The following PTPRT variants were observed in gnomAD, a reference collection of about 807,000 sequenced individuals.
PTPRT encodes the protein protein tyrosine phosphatase receptor type T.
Under a neutral mutation model 176.8 loss-of-function variants are expected in PTPRT, and 56 were observed. The observed-to-expected ratio is 0.32, with a 90% CI of 0.26 to 0.40. The LOEUF (loss-of-function observed/expected upper bound fraction) is 0.40, where lower values mean the gene tolerates loss of function less well. Among genes scored for constraint, PTPRT ranks in the 10% least tolerant of loss-of-function variants. PTPRT has a pLI of 1.00. For synonymous variants in PTPRT, 783 were observed against 739.0 expected (o/e 1.06, Z -0.96); for missense variants, 1,540 against 1,908.2 (o/e 0.81, Z 3.60).
At chr20:42,331,571 G>C (rs151246843) in intron 11 of PTPRT, among the ~76,000 whole-genome samples, 71 of 152,256 alleles carry the variant, frequency 4.7e-4, no homozygotes, top group African/African-American at 1.6e-3. Flanking sequence ...GCAAACAAAT[G>C]CAAGAGAAAA....
intron 2 of PTPRT, among the ~76,000 whole-genome samples, chr20:42,807,573 C>G (rs964104014): frequency 1.3e-5 from 2 of 152,054 alleles, no homozygotes; most frequent in African/African-American, 4.8e-5. Flanking sequence ...TTTTTACCAC[C>G]TACACCAAGG....
intron 9 of PTPRT, among the ~76,000 whole-genome samples, chr20:42,353,637 T>C (rs1315753243): frequency 6.6e-6 from 1 of 152,194 alleles, no homozygotes; most frequent in African/African-American, 2.4e-5. Context: ...AAATAACAAT[T>C]GGTAGCCCAG....
chr20:42,708,499 T>C (rs949250397), intron 6 of PTPRT, among the ~76,000 whole-genome samples: 1 of 152,158 alleles, frequency 6.6e-6, no homozygotes, highest in Non-Finnish European at 1.5e-5. Context: ...CAGGCCCTCC[T>C]TGTGGCCATT....
In PTPRT at chr20:43,020,092, ATG is replaced by A. The variant is rs143435604; in HGVS notation, c.89-134162_89-134161del. On this transcript the variant is annotated intron_variant, in intron 1 of 30. Coordinates refer to ENST00000373187, the MANE Select transcript of PTPRT (RefSeq NM_007050.6). The stretch of plus-strand genomic sequence containing the variant: ...TCTTTCTATATATATGTGAGTGTGT[ATG>A]TGTGTGTGTGTGTGTGTATATATAT... Among the ~76,000 whole-genome samples, 1,269 of 141,444 alleles carry A rather than the reference ATG, an allele frequency of 9.0e-3. 23 individuals carry two copies. Among genetic ancestry groups the A allele is most frequent in the African/African-American group, 0.031 (1,181 of 37,574 alleles). The allele number at this position is 141,444 out of a possible 152,430, so 92.8% of individuals were successfully genotyped here.
At chr20:42,876,808 T>C (rs1372841249) in intron 2 of PTPRT, among the ~76,000 whole-genome samples, 1 of 152,166 alleles carries the variant, frequency 6.6e-6, no homozygotes, top group African/African-American at 2.4e-5. Context: ...AGGCAGTCCA[T>C]ACCCTGCAGC....
At chr20:42,866,370 G>T (rs1014199960) in intron 2 of PTPRT, among the ~76,000 whole-genome samples, 1 of 152,144 alleles carries the variant, frequency 6.6e-6, no homozygotes, top group Non-Finnish European at 1.5e-5. Context: ...ATAGGCACCT[G>T]ACTCCACACC....
chr20:42,350,293 A>G (rs1318212149), intron 11 of PTPRT, among the ~76,000 whole-genome samples: 1 of 137,874 alleles, frequency 7.3e-6, no homozygotes, highest in East Asian at 2.0e-4. Context: ...CAGTGGCATG[A>G]TCACAGTTCA....
At chr20:42,851,896 C>G (rs2078478579) in intron 2 of PTPRT, among the ~76,000 whole-genome samples, 1 of 152,156 alleles carries the variant, frequency 6.6e-6, no homozygotes, top group African/African-American at 2.4e-5. Flanking sequence ...CTCTAAAAAG[C>G]TGATTTTCCT....
At chr20:42,584,195 A>G (rs2073430067) in intron 7 of PTPRT, among the ~76,000 whole-genome samples, 1 of 152,204 alleles carries the variant, frequency 6.6e-6, no homozygotes, top group Non-Finnish European at 1.5e-5. Context: ...AAATCATGAG[A>G]TATTAAATAA....
At chr20:42,586,683 C>T (rs1000297754) in intron 7 of PTPRT, among the ~76,000 whole-genome samples, 1 of 152,174 alleles carries the variant, frequency 6.6e-6, no homozygotes, top group African/African-American at 2.4e-5. Context: ...ATTCCTATAT[C>T]TTCTTATGTC....
intron 19 of PTPRT, among the ~76,000 whole-genome samples, chr20:42,123,373 C>T (rs1273187511): frequency 1.3e-5 from 2 of 152,184 alleles, no homozygotes; most frequent in Admixed American, 1.3e-4. Flanking sequence ...ATGTACAAGG[C>T]ACTGGAAATA....
chr20:42,652,310 T>C (rs912751394), intron 7 of PTPRT, among the ~76,000 whole-genome samples: 16 of 152,118 alleles, frequency 1.1e-4, no homozygotes, highest in Admixed American at 7.9e-4. Flanking sequence ...TAGCCCTTCA[T>C]TCATTTAACA....
chr20:42,797,979 C>T (rs1387960796), intron 2 of PTPRT, among the ~76,000 whole-genome samples: 1 of 152,188 alleles, frequency 6.6e-6, no homozygotes, highest in Non-Finnish European at 1.5e-5. Context: ...CCACTTAGGA[C>T]TTCTGATGTC....
At chr20:42,359,829 G>A (rs2058408152) in intron 9 of PTPRT, among the ~76,000 whole-genome samples, 1 of 152,196 alleles carries the variant, frequency 6.6e-6, no homozygotes, top group Non-Finnish European at 1.5e-5. Flanking sequence ...GCCAGCACAG[G>A]GACCCATGCC....
intron 7 of PTPRT, among the ~76,000 whole-genome samples, chr20:42,564,902 T>G (rs911251520): frequency 3.3e-5 from 5 of 152,130 alleles, no homozygotes; most frequent in Non-Finnish European, 7.4e-5. Flanking sequence ...TACGACCTCA[T>G]TTTATATGAA....
intron 7 of PTPRT, among the ~76,000 whole-genome samples, chr20:42,645,924 T>C (rs987051789): frequency 1.3e-5 from 2 of 152,096 alleles, no homozygotes; most frequent in African/African-American, 4.8e-5. Context: ...ATGCTTCAAT[T>C]ACTTTCTCAA....
At chr20:42,333,577 C>A (rs2057997952) in intron 11 of PTPRT, among the ~76,000 whole-genome samples, 1 of 151,964 alleles carries the variant, frequency 6.6e-6, no homozygotes, top group Admixed American at 6.6e-5. Flanking sequence ...CGTGATCCAC[C>A]CACCTCGCCC....
chr20:42,321,447 T>A lies in PTPRT; in HGVS notation c.1866-5451A>T, dbSNP rs566511773. 1.2e-4 allele frequency among the ~76,000 whole-genome samples: 19 copies of A among 152,320 alleles called. No individual in the cohort carries two copies. The South Asian group carries it at 3.9e-3, about 32-fold the overall frequency. ...TCTGATGTTTATACGCTTGCCCTTATGTTTATTCTGATATTTATACCTGTA... is the reference window on the plus strand; with the variant it reads ...TCTGATGTTTATACGCTTGCCCTTAAGTTTATTCTGATATTTATACCTGTA... On this transcript the variant is annotated intron_variant, in intron 11 of 30. Transcript: ENST00000373187.
intron 7 of PTPRT, among the ~76,000 whole-genome samples, chr20:42,580,149 A>G (rs1490568682): frequency 2.0e-5 from 3 of 152,168 alleles, no homozygotes. Flanking sequence ...AGCACCATCT[A>G]TTAAATAGGG....
Sources: gnomAD v4.1 joint callset for allele counts (sites outside exome capture counted in the v4.1 genomes callset) on GRCh38, gnomAD v4.1.1 for gene constraint, MANE v1.5 for transcripts, NCBI Gene and HGNC (gene_info 2026-07-23, HGNC 2026-07-21) for gene names.